Variants in MAGI2 observed in about 807,000 individuals in gnomAD.
MAGI2 encodes membrane-associated guanylate kinase, WW and PDZ domain-containing protein 2.
MAGI2 carries 35 observed loss-of-function variants against 133.3 expected under a neutral mutation model. That is an observed-to-expected ratio of 0.26 (90% CI 0.20 to 0.35). The LOEUF is 0.35. Among genes scored for constraint, MAGI2 ranks in the 10% least tolerant of loss-of-function variants. MAGI2 has a pLI of 1.00. For missense variants in MAGI2, 1,636 were observed against 1,863.4 expected (o/e 0.88, Z 2.25); for synonymous variants, 729 against 710.6 (o/e 1.03, Z -0.41).
intron 10 of MAGI2, 67 bp downstream of exon 10, chr7:78,255,876 A>G (rs769346130): frequency 6.8e-7 from 1 of 1,462,572 alleles, no homozygotes; most frequent in Admixed American, 1.8e-5. Flanking sequence ...CTGCATTTTA[A>G]CAATATTATT....
chr7:78,737,234 G>A (rs1821947443), intron 2 of MAGI2, among the ~76,000 whole-genome samples: 1 of 152,062 alleles, frequency 6.6e-6, no homozygotes, highest in Admixed American at 6.5e-5. Flanking sequence ...GAAAAGAGTG[G>A]CAAAATTAAA....
At chr7:78,776,704 T>C (rs1233215640) in intron 2 of MAGI2, among the ~76,000 whole-genome samples, 2 of 151,964 alleles carry the variant, frequency 1.3e-5, no homozygotes, top group Admixed American at 6.6e-5. Flanking sequence ...ATTGTGCTCA[T>C]GTAAAATCAA....
At chr7:79,298,390 C>T (rs1837112020) in intron 1 of MAGI2, among the ~76,000 whole-genome samples, 1 of 151,964 alleles carries the variant, frequency 6.6e-6, no homozygotes, top group Non-Finnish European at 1.5e-5. Flanking sequence ...TATGAGAGTT[C>T]CTAACTTGGG....
chr7:78,708,644 A>C (rs1818881382), intron 2 of MAGI2, among the ~76,000 whole-genome samples: 1 of 152,152 alleles, frequency 6.6e-6, no homozygotes, highest in Non-Finnish European at 1.5e-5. Context: ...GTGTCTGTAA[A>C]TACAAGCTCT....
chr7:78,270,974 G>T (rs11766663), intron 9 of MAGI2, among the ~76,000 whole-genome samples: 29,448 of 151,622 alleles, frequency 0.19, 3,279 homozygotes, highest in South Asian at 0.31. Flanking sequence ...TTGCCTGATT[G>T]CCCTGGCCAG....
intron 20 of MAGI2, among the ~76,000 whole-genome samples, chr7:78,114,828 G>C (rs549508821): frequency 6.6e-6 from 1 of 152,326 alleles, no homozygotes; most frequent in East Asian, 1.9e-4. Context: ...GTGGGGACTG[G>C]AGCTGGAGAG....
intron 2 of MAGI2, among the ~76,000 whole-genome samples, chr7:78,723,157 A>G (rs1163251766): frequency 6.6e-6 from 1 of 152,216 alleles, no homozygotes. Context: ...ATATCCTAAT[A>G]TTGTTTAAAT....
intron 2 of MAGI2, among the ~76,000 whole-genome samples, chr7:78,822,294 A>G (rs1790194785): frequency 6.6e-6 from 1 of 152,124 alleles, no homozygotes; most frequent in South Asian, 2.1e-4. Context: ...ATATACAAAT[A>G]TACAGCAGTA....
chr7:78,198,513 C>CCT (rs1828943391), intron 11 of MAGI2, among the ~76,000 whole-genome samples: 1 of 143,608 alleles, frequency 7.0e-6, no homozygotes, highest in Non-Finnish European at 1.5e-5. Context: ...CTTACTGCAA[C>CCT]CTCCGCCTCC....
intron 2 of MAGI2, among the ~76,000 whole-genome samples, chr7:78,836,075 A>T (rs888516590): frequency 2.0e-5 from 3 of 152,212 alleles, no homozygotes; most frequent in Non-Finnish European, 4.4e-5. Context: ...TTCTTTGTGC[A>T]GCCACCATAT....
At chr7:78,464,897 T>G (rs558790678) in intron 6 of MAGI2, among the ~76,000 whole-genome samples, 3 of 152,264 alleles carry the variant, frequency 2.0e-5, no homozygotes, top group African/African-American at 7.2e-5. Context: ...TGTTTTAGTC[T>G]AAGAATATTA....
chr7:79,279,729 AG>A (rs1332379722), intron 1 of MAGI2, among the ~76,000 whole-genome samples: 14 of 152,194 alleles, frequency 9.2e-5, no homozygotes, highest in Non-Finnish European at 1.5e-5. Flanking sequence ...TTTCTCACTA[AG>A]TAAGTCAATA....
chr7:78,801,612 G>GTT (rs35038628), intron 2 of MAGI2, among the ~76,000 whole-genome samples: 43 of 151,752 alleles, frequency 2.8e-4, no homozygotes, highest in Non-Finnish European at 5.0e-4. Context: ...AATAAAAAGG[G>GTT]TTTTTTTTGG....
At chr7:79,391,508 C>CATATATATATATATATATATAT (rs1286692402) in intron 1 of MAGI2, among the ~76,000 whole-genome samples, 1 of 69,208 alleles carries the variant, frequency 1.4e-5, no homozygotes, top group Non-Finnish European at 2.4e-5. Context: ...TATATATAGA[C>CATATATATATATATATATATAT]ATATATATAT....
intron 6 of MAGI2, among the ~76,000 whole-genome samples, chr7:78,372,794 T>C (rs1239288996): frequency 6.6e-6 from 1 of 152,188 alleles, no homozygotes; most frequent in African/African-American, 2.4e-5. Context: ...GCATGCTATA[T>C]TTTTTAAATT....
At chr7:78,200,496 G>A (rs1829141869) in intron 11 of MAGI2, among the ~76,000 whole-genome samples, 1 of 152,112 alleles carries the variant, frequency 6.6e-6, no homozygotes, top group Non-Finnish European at 1.5e-5. Context: ...AGATTCAGAA[G>A]CACCATTTTG....
intron 1 of MAGI2, among the ~76,000 whole-genome samples, chr7:79,108,584 T>C (rs999164695): frequency 3.9e-5 from 6 of 152,222 alleles, no homozygotes; most frequent in African/African-American, 1.4e-4. Flanking sequence ...ACCCATCAAG[T>C]TTTGCCCAAA....
At chr7:79,199,791 G>T (rs984203564) in intron 1 of MAGI2, among the ~76,000 whole-genome samples, 3 of 151,924 alleles carry the variant, frequency 2.0e-5, no homozygotes, top group Non-Finnish European at 4.4e-5. Context: ...GCAGCCGGGG[G>T]AGAGGTGAGG....
At chr7:78,539,305 G>A (rs536135009) in intron 3 of MAGI2, among the ~76,000 whole-genome samples, 2 of 152,022 alleles carry the variant, frequency 1.3e-5, no homozygotes, top group South Asian at 4.2e-4. Flanking sequence ...TGTTTATGTG[G>A]TGTATCAAAT....
Sources: gnomAD v4.1 joint callset for allele counts (sites outside exome capture counted in the v4.1 genomes callset) on GRCh38, gnomAD v4.1.1 for gene constraint, MANE v1.5 for transcripts, NCBI Gene and HGNC (gene_info 2026-07-23, HGNC 2026-07-21) for gene names.